The following IMMP2L variants were observed in gnomAD, a reference collection of about 807,000 sequenced individuals.
IMMP2L encodes mitochondrial inner membrane protease subunit 2.
Under a neutral mutation model 19.3 loss-of-function variants are expected in IMMP2L, and 18 were observed. The ratio of observed to expected loss-of-function variants is 0.93; its 90% CI spans 0.64 to 1.38. The LOEUF (loss-of-function observed/expected upper bound fraction) is 1.38, where lower values mean the gene tolerates loss of function less well. Ranked by LOEUF, IMMP2L falls within the 40% of genes most tolerant of loss-of-function variation. IMMP2L has a pLI of 0.00. For synonymous variants in IMMP2L, 76 were observed against 73.0 expected, an observed-to-expected ratio of 1.04 and a Z score of -0.21; for missense variants, 233 against 218.2, an observed-to-expected ratio of 1.07 and a Z score of -0.43.
Position 110,755,303 on chromosome 7 carries a change from T to C in IMMP2L, c.409-91582A>G, listed in dbSNP as rs2130939076. On this transcript the variant is annotated intron_variant, in intron 5 of 5. Coordinates refer to ENST00000405709, the MANE Select transcript of IMMP2L (RefSeq NM_032549.4). ...ACTTTTTTATTCAAAAGTAACTTTC[T>C]TCACAATCATTAGAAAAATAAAACT... Among the ~76,000 whole-genome samples, 2 of 152,222 alleles carry C rather than the reference T, an allele frequency of 1.3e-5. 1 individual carries two copies. The highest frequency in any genetic ancestry group is 6.8e-3 in the Middle Eastern group (2 of 294).
In IMMP2L at chr7:110,877,955, T is replaced by A. The variant is rs1459399148; in HGVS notation, c.408+8638A>T. ...CACAATGGATTGATTCCAAATGCCA[T>A]GAAACTTCACCAGTTGATCACAGGC... On this transcript the variant is annotated intron_variant, in intron 5 of 5. Coordinates refer to ENST00000405709, the MANE Select transcript of IMMP2L (RefSeq NM_032549.4). This position sits in a 1 kb window ranked among gnomAD's most constrained non-coding sequence, Gnocchi z 4.0. Among the ~76,000 whole-genome samples the A allele has an allele frequency of 6.6e-6, 1 of 152,100 alleles. No homozygotes were observed. Among genetic ancestry groups the A allele is most frequent in the Non-Finnish European group, 1.5e-5 (1 of 68,004 alleles).
intron 5 of IMMP2L, among the ~76,000 whole-genome samples, chr7:110,830,522 T>C (rs1018964121): frequency 6.6e-6 from 1 of 152,134 alleles, no homozygotes; most frequent in African/African-American, 2.4e-5. Context: ...TATTCATAAA[T>C]ATAATGTTCT....
At chr7:111,179,651 A>G (rs1444850298) in intron 3 of IMMP2L, among the ~76,000 whole-genome samples, 1 of 152,046 alleles carries the variant, frequency 6.6e-6, no homozygotes, top group Non-Finnish European at 1.5e-5. Flanking sequence ...GCTCCTAACA[A>G]GAGAGTGAGC....
At chr7:110,765,369 T>C (rs987255822) in intron 5 of IMMP2L, among the ~76,000 whole-genome samples, 5 of 152,114 alleles carry the variant, frequency 3.3e-5, no homozygotes, top group African/African-American at 1.2e-4. Context: ...AGATTACTAA[T>C]GAGATTCCAA....
chr7:111,189,906 T>C (rs1808688528), intron 3 of IMMP2L, among the ~76,000 whole-genome samples: 1 of 152,132 alleles, frequency 6.6e-6, no homozygotes, highest in Non-Finnish European at 1.5e-5. Flanking sequence ...AGCCTTAACA[T>C]TTCAAACTCT....
intron 3 of IMMP2L, among the ~76,000 whole-genome samples, chr7:111,141,498 T>G (rs1227492307): frequency 1.3e-5 from 2 of 152,092 alleles, no homozygotes; most frequent in Non-Finnish European, 2.9e-5. Context: ...AGCTTTATCT[T>G]TTTTTAGGTT....
At chr7:110,840,190 T>G (rs1374179477) in intron 5 of IMMP2L, among the ~76,000 whole-genome samples, 1 of 152,124 alleles carries the variant, frequency 6.6e-6, no homozygotes, top group Non-Finnish European at 1.5e-5. Flanking sequence ...TGGTAGTATC[T>G]CCCCACTTTC....
intron 3 of IMMP2L, chr7:111,125,208 T>G: frequency 4.0e-6 from 1 of 250,470 alleles, no homozygotes; most frequent in Non-Finnish European, 8.2e-6. Context: ...TCTGTATTTT[T>G]TTTAAGTAAA....
chr7:111,314,058 C>G (rs994245456), intron 3 of IMMP2L, among the ~76,000 whole-genome samples: 1 of 152,068 alleles, frequency 6.6e-6, no homozygotes, highest in Non-Finnish European at 1.5e-5. Context: ...AGTAAAAGCT[C>G]CCTGAGGCCT....
chr7:110,695,983 G>A (rs2130590039), intron 5 of IMMP2L, among the ~76,000 whole-genome samples: 1 of 152,252 alleles, frequency 6.6e-6, no homozygotes. Context: ...CCATGATAGA[G>A]GTAAATGTAC....
intron 3 of IMMP2L, among the ~76,000 whole-genome samples, chr7:111,357,624 T>C (rs867077883): frequency 6.6e-6 from 1 of 152,174 alleles, no homozygotes; most frequent in Non-Finnish European, 1.5e-5. Flanking sequence ...TTTTCATTTA[T>C]ATAGCTGGGA....
At chr7:111,310,639 C>T (rs1823411075) in intron 3 of IMMP2L, among the ~76,000 whole-genome samples, 1 of 152,026 alleles carries the variant, frequency 6.6e-6, no homozygotes, top group Admixed American at 6.6e-5. Context: ...CTTATTTAAC[C>T]ATTTTAAAAT....
In IMMP2L at chr7:110,758,563, C is replaced by A. The variant is rs763065941; in HGVS notation, c.409-94842G>T. Among the ~76,000 whole-genome samples, 1 of 151,996 alleles carries A rather than the reference C, an allele frequency of 6.6e-6. No homozygotes were observed. Among genetic ancestry groups the A allele is most frequent in the Non-Finnish European group, 1.5e-5 (1 of 67,988 alleles). ...GGCCTGGCTATGAGCAAGAAGAGGTCTCAGGGCATGTGACATTGAGCTATT... is the reference window on the plus strand; with the variant it reads ...GGCCTGGCTATGAGCAAGAAGAGGTATCAGGGCATGTGACATTGAGCTATT... On this transcript the variant is annotated intron_variant, in intron 5 of 5. Coordinates refer to ENST00000405709, the MANE Select transcript of IMMP2L (RefSeq NM_032549.4). The surrounding 1 kb of genome is among the most constrained non-coding windows in gnomAD (Gnocchi z 4.6).
chr7:111,030,018 T>A (rs1827237776), intron 3 of IMMP2L, among the ~76,000 whole-genome samples: 1 of 152,204 alleles, frequency 6.6e-6, no homozygotes, highest in Admixed American at 6.5e-5. Flanking sequence ...TGGTCACAAC[T>A]GTTCCTTCTC....
At position 111,296,621 on chromosome 7, in the gene IMMP2L, T is replaced by TA. The variant is rs1018857438; in HGVS notation, c.239+190616dup. ...CCAGAGAATAGTTAGAAATTTTCTTTAAAAAAAAATAGAAAACAAAATTTA... is the reference window on the plus strand; with the variant it reads ...CCAGAGAATAGTTAGAAATTTTCTTTAAAAAAAAAATAGAAAACAAAATTTA... On this transcript the variant is annotated intron_variant, in intron 3 of 5. Coordinates refer to ENST00000405709, the MANE Select transcript of IMMP2L (RefSeq NM_032549.4). Among the ~76,000 whole-genome samples, 82 of 150,902 alleles carry TA rather than the reference T, an allele frequency of 5.4e-4. 1 individual carries two copies. Among genetic ancestry groups the TA allele is most frequent in the Middle Eastern group, 3.4e-3 (1 of 292 alleles).
chr7:111,359,183 T>C (rs758298426), intron 3 of IMMP2L, among the ~76,000 whole-genome samples: 1 of 152,160 alleles, frequency 6.6e-6, no homozygotes, highest in African/African-American at 2.4e-5. Flanking sequence ...AGGTCAGTGA[T>C]ACAAAAATTT....
intron 1 of IMMP2L, among the ~76,000 whole-genome samples, chr7:111,541,882 T>C (rs1210340771): frequency 6.6e-6 from 1 of 152,010 alleles, no homozygotes; most frequent in Non-Finnish European, 1.5e-5. Flanking sequence ...ATCCAAGTAA[T>C]TAAAAAGAAA....
intron 5 of IMMP2L, among the ~76,000 whole-genome samples, chr7:110,762,010 A>T (rs1798376794): frequency 6.6e-6 from 1 of 152,106 alleles, no homozygotes; most frequent in Admixed American, 6.6e-5. Flanking sequence ...CTGGGGTCCT[A>T]AAAGCAGATA....
At chr7:110,878,010 A>C (rs1809251893) in intron 5 of IMMP2L, among the ~76,000 whole-genome samples, 1 of 152,176 alleles carries the variant, frequency 6.6e-6, no homozygotes, top group Non-Finnish European at 1.5e-5. Context: ...CACTTAGCTT[A>C]GAAGTGCCTA....
Sources: gnomAD v4.1 joint callset for allele counts (sites outside exome capture counted in the v4.1 genomes callset) on GRCh38, gnomAD v4.1.1 for gene constraint, Gnocchi (gnomAD v3.1) non-coding constraint, MANE v1.5 for transcripts, NCBI Gene and HGNC (gene_info 2026-07-23, HGNC 2026-07-21) for gene names.